ROBO4: variants seen among roughly 807,000 people sequenced by gnomAD.
ROBO4 encodes the protein roundabout homolog 4.
Under a neutral mutation model 103.3 loss-of-function variants are expected in ROBO4, and 80 were observed. That is an observed-to-expected ratio of 0.77 (90% CI 0.65 to 0.93). The LOEUF is 0.93. Among genes scored for constraint, ROBO4 ranks in the 40% least tolerant of loss-of-function variants. The pLI is 0.00. For missense variants in ROBO4, 1,333 were observed against 1,305.3 expected, an observed-to-expected ratio of 1.02 and a Z score of -0.33; for synonymous variants, 504 against 529.7, an observed-to-expected ratio of 0.95 and a Z score of 0.67.
chr11:124,896,906 C>T (rs765935380), intron 2 of ROBO4, 26 bp downstream of exon 2: 1 of 1,601,608 alleles, frequency 6.2e-7, no homozygotes, highest in Non-Finnish European at 8.5e-7. Context: ...TTTGCCCCAC[C>T]CTGAAGCTCC....
intron 1 of ROBO4, 196 bp from the exon 2 acceptor site, chr11:124,897,457 G>A: frequency 1.7e-6 from 1 of 582,670 alleles, no homozygotes; most frequent in African/African-American, 1.9e-5. Context: ...GCCAGGGCTT[G>A]CATAGCATGT....
intron 9 of ROBO4, 29 bp downstream of exon 9, chr11:124,893,831 A>G: frequency 6.2e-7 from 1 of 1,612,924 alleles, no homozygotes; most frequent in Non-Finnish European, 8.5e-7. Flanking sequence ...GGAGGCCTGT[A>G]TACATGTGGG....
Position 124,895,103 on chromosome 11 carries a change from T to C in ROBO4, c.1127A>G (p.Asn376Ser). The C allele has an allele frequency of 6.2e-7, 1 of 1,613,806 alleles. No individual in the cohort carries two copies. Among genetic ancestry groups the C allele is most frequent in the Non-Finnish European group, 8.5e-7 (1 of 1,179,782 alleles). The change falls in exon 7 of 18, where the codon AAT (asparagine) becomes AGT (serine). Residue 376 changes from asparagine (N) to serine (S), a missense_variant. Physicochemically the swap from Asn to Ser is conservative, Grantham distance 46. Transcript: ENST00000306534. ...SWVPPPAENH[N>S]GIIRGYQVWS... ...TACCTGGTAGCCACGGATGATGCCATTGTGGTTTTCAGCAGGTGGTGGGAC... is the reference window on the plus strand; with the variant it reads ...TACCTGGTAGCCACGGATGATGCCACTGTGGTTTTCAGCAGGTGGTGGGAC...
chr11:124,897,629 C>G (rs1012555209), intron 1 of ROBO4, 97 bp downstream of exon 1: 3 of 1,025,156 alleles, frequency 2.9e-6, no homozygotes, highest in East Asian at 4.8e-5. Context: ...CTCTGGTCCC[C>G]CCACTGCAAA....
In ROBO4 at chr11:124,897,240, G is replaced by A. The variant is rs998371318; in HGVS notation, c.92C>T (p.Pro31Leu). 18 of 1,454,136 alleles carry A rather than the reference G, an allele frequency of 1.2e-5. No individual in the cohort carries two copies. The highest frequency in any genetic ancestry group is 2.8e-5 in the African/African-American group (2 of 70,272). The allele number at this position is 1,454,136 out of a possible 1,614,324, so 90.1% of individuals were successfully genotyped here. The change falls in exon 2 of 18, where the codon CCG becomes CTG. Residue 31 changes from proline to leucine, a missense_variant. Transcript: ENST00000306534. ...LIMGGMAQDS[P>L]PQILVHPQDQ... is the part of the protein sequence containing the mutation. ...CTGGGGGTGGACTAGGATCTGGGGCGGGGAGTCCTGAGCCATGCCTCCTGG... is the reference window on the plus strand; with the variant it reads ...CTGGGGGTGGACTAGGATCTGGGGCAGGGAGTCCTGAGCCATGCCTCCTGG...
Position 124,896,274 on chromosome 11 carries a change from G to T in ROBO4, c.603C>A (p.Asp201Glu), listed in dbSNP as rs150010687. Residue 201 changes from aspartate (D) to glutamate (E), a missense_variant, in exon 4 of 18, where the codon GAC (aspartate) becomes GAA (glutamate). By Grantham distance (45) the Asp-to-Glu change is conservative (BLOSUM62 2). Transcript: ENST00000306534. ...SLLMARAEKS[D>E]EGTYMCVATN... ...TGGCCACACACATGTAGGTCCCTTC[G>T]TCACTCTTCTCTGCTCTTGCCATCA... The T allele has an allele frequency of 1.2e-6, 2 of 1,613,986 alleles. No homozygotes were observed. Among genetic ancestry groups the T allele is most frequent in the African/African-American group, 2.7e-5 (2 of 74,910 alleles).
At position 124,891,377 on chromosome 11, in the gene ROBO4, G is replaced by A. The variant is rs1386733648; in HGVS notation, c.1870C>T (p.Leu624Phe). The A allele has an allele frequency of 6.4e-7, 1 of 1,558,962 alleles. No individual in the cohort carries two copies. The highest frequency in any genetic ancestry group is 1.2e-5 in the South Asian group (1 of 80,954). Residue 624 changes from leucine (L) to phenylalanine (F), a missense_variant, in exon 12 of 18, where the codon CTC becomes TTC. Leu to Phe is a conservative substitution (Grantham distance 22). Transcript: ENST00000306534. ...LSSPCSSSDSLCSRRGLSSPR... is the reference protein window; with the variant it reads ...LSSPCSSSDSFCSRRGLSSPR... ...GAAGAGAGTCCCCTGCGGCTGCAGA[G>A]GCTGTCTGAGCTGGAACAGGGGCTG...
intron 1 of ROBO4, 152 bp from the exon 2 acceptor site, chr11:124,897,413 A>G (rs1379278949): frequency 4.7e-6 from 3 of 634,648 alleles, no homozygotes; most frequent in Non-Finnish European, 7.9e-6. Flanking sequence ...CAAGCCAGCT[A>G]GGAGGAGAGA....
In ROBO4 at chr11:124,895,768, T is replaced by C. The variant is rs1489420560; in HGVS notation, c.807+17A>G. 3.7e-6 allele frequency: 6 copies of C among 1,614,056 alleles called. No individual in the cohort carries two copies. In the East Asian group the frequency reaches 8.9e-5, roughly 24 times the overall value. On this transcript the variant is annotated intron_variant, in intron 5 of 17. Transcript: ENST00000306534. ...TGAGCTCTGGATCGGCTTTTACCCT[T>C]AGCACCTGGTCCTCACCTTCCAGCT... is the stretch of plus-strand genomic sequence containing the variant.
intron 4 of ROBO4, 98 bp downstream of exon 4, chr11:124,896,100 C>A (rs931553793): frequency 5.8e-6 from 9 of 1,554,252 alleles, no homozygotes; most frequent in Non-Finnish European, 7.8e-6. Context: ...GCACTTTGAC[C>A]CTGACCCCAC....
Position 124,891,418 on chromosome 11 carries a change from T to C in ROBO4, c.1829A>G (p.Gln610Arg). ...QVPAVRRLPPQLAQLSSPCSS... is the reference protein window; with the variant it reads ...QVPAVRRLPPRLAQLSSPCSS... ...ACAGGGGCTGGAGAGCTGGGCCAGC[T>C]GGGGTGGGAGGCGCCTGACAGCTGG... Residue 610 changes from glutamine (Q) to arginine (R), a missense_variant, in exon 12 of 18, where the codon CAG (glutamine) becomes CGG (arginine). Gln to Arg is a conservative substitution (Grantham distance 43). Coordinates refer to ENST00000306534, the MANE Select transcript of ROBO4 (RefSeq NM_019055.6). 1 of 1,587,714 alleles carries C rather than the reference T, an allele frequency of 6.3e-7. No individual in the cohort carries two copies. The highest frequency in any genetic ancestry group is 8.6e-7 in the Non-Finnish European group (1 of 1,166,148).
chr11:124,896,311 C>A lies in ROBO4; in HGVS notation c.566G>T (p.Gly189Val). The change falls in exon 4 of 18, where the codon GGG becomes GTG. Residue 189 changes from glycine (G) to valine (V), a missense_variant. Coordinates refer to ENST00000306534, the MANE Select transcript of ROBO4 (RefSeq NM_019055.6). ...ALQPGRHTVS[G>V]GSLLMARAEK... ...TGCTCTTGCCATCAGCAGGGACCCCCCGGACACCTGTCAGGGCCAGGTTCA... is the reference window on the plus strand; with the variant it reads ...TGCTCTTGCCATCAGCAGGGACCCCACGGACACCTGTCAGGGCCAGGTTCA... The A allele has an allele frequency of 6.2e-7, 1 of 1,614,024 alleles. No homozygotes were observed.
intron 16 of ROBO4, among the ~76,000 whole-genome samples, chr11:124,885,595 G>A (rs55841630): frequency 0.28 from 34,065 of 122,256 alleles, 5,196 homozygotes; most frequent in African/African-American, 0.5. Flanking sequence ...TTTTTTTTTT[G>A]TCGGGGCAAA....
chr11:124,885,943 C>A (rs774734086), intron 16 of ROBO4, among the ~76,000 whole-genome samples: 2 of 152,172 alleles, frequency 1.3e-5, no homozygotes, highest in Non-Finnish European at 2.9e-5. Flanking sequence ...ACTCCCAACA[C>A]TTTGGGAGGC....
intron 3 of ROBO4, 23 bp downstream of exon 3, chr11:124,896,490 G>T (rs1463782116): frequency 3.7e-6 from 6 of 1,611,266 alleles, no homozygotes; most frequent in Non-Finnish European, 5.1e-6. Flanking sequence ...AGGATGAAGT[G>T]TGGGGGAGGG....
chr11:124,891,499 C>G lies in ROBO4; in HGVS notation c.1748G>C (p.Gly583Ala). The G allele has an allele frequency of 1.9e-6, 3 of 1,614,024 alleles. No individual in the cohort carries two copies. Among genetic ancestry groups the G allele is most frequent in the Non-Finnish European group, 2.5e-6 (3 of 1,179,946 alleles). Residue 583 changes from glycine (G) to alanine (A), a missense_variant, in exon 12 of 18, where the codon GGC becomes GCC. Coordinates refer to ENST00000306534, the MANE Select transcript of ROBO4 (RefSeq NM_019055.6). The part of the protein sequence containing the change: ...PLLPDTSTFY[G>A]SLIAELPSST... ...GGAGGGCAGCTCAGCGATGAGGGAG[C>G]CATAAAAAGTGCTGGTGTCTGGAAG...
At chr11:124,895,222 G>A in intron 6 of ROBO4, 29 bp from the exon 7 acceptor site, 1 of 1,536,546 alleles carries the variant, frequency 6.5e-7, no homozygotes, top group South Asian at 1.1e-5. Context: ...GACTATGAGG[G>A]GCTCTGAGGG....
rs772019553 is a variant in ROBO4 at position 124,893,905 on chromosome 11, C to T, written c.1459G>A (p.Val487Met). The change falls in exon 9 of 18, where the codon GTG becomes ATG. Residue 487 changes from valine to methionine, a missense_variant. Physicochemically the swap from Val to Met is conservative, Grantham distance 21. Transcript: ENST00000306534. ...GCTCGGCGCCGGCGGTGGATACACA[C>T]GGCGGTGCCCAGAAGCAGCAGCCAG... ...ALWLLLLGTA[V>M]CIHRRRRARV... 67 of 1,611,736 alleles carry T rather than the reference C, an allele frequency of 4.2e-5. 1 individual carries two copies. Among genetic ancestry groups the T allele is most frequent in the East Asian group, 3.1e-4 (14 of 44,854 alleles).
rs769117609 is a variant in ROBO4 at position 124,894,310 on chromosome 11, C to T, written c.1209G>A (p.Gln403=). The T allele has an allele frequency of 2.9e-5, 46 of 1,613,936 alleles. No individual in the cohort carries two copies. In the South Asian group the frequency reaches 4.7e-4, roughly 17 times the overall value. ...TATGGGTGGCGATTTCCAGCTGGGT[C>T]TGCTCACCAACTACAGTCCAGTTGG... ...PPANWTVVGE[Q]TQLEIATHMP... Residue 403 remains glutamine, a synonymous_variant, in exon 8 of 18, where the codon CAG becomes CAA. Coordinates refer to ENST00000306534, the MANE Select transcript of ROBO4 (RefSeq NM_019055.6).
Sources: gnomAD v4.1 joint callset for allele counts (sites outside exome capture counted in the v4.1 genomes callset) on GRCh38, gnomAD v4.1.1 for gene constraint, MANE v1.5 for transcripts, NCBI Gene and HGNC (gene_info 2026-07-23, HGNC 2026-07-21) for gene names.